RNLS: variants seen among roughly 807,000 people sequenced by gnomAD.
The protein encoded by RNLS is renalase, FAD dependent amine oxidase, also known as renalase.
A neutral mutation model predicts 39.8 loss-of-function variants in RNLS; 39 were observed. That is an observed-to-expected ratio of 0.98 (90% CI 0.76 to 1.28). RNLS has a LOEUF of 1.28. Ranked by LOEUF, RNLS falls within the 50% of genes most tolerant of loss-of-function variation. RNLS has a pLI of 0.00. For synonymous variants in RNLS, 147 were observed against 150.7 expected (o/e 0.98, Z 0.18); for missense variants, 410 against 413.3 (o/e 0.99, Z 0.07).
chr10:88,493,060 G>C (rs1037310141), intron 4 of RNLS, among the ~76,000 whole-genome samples: 1 of 151,784 alleles, frequency 6.6e-6, no homozygotes, highest in Non-Finnish European at 1.5e-5. Context: ...AATCTTTTTC[G>C]GTTATTTGAG....
chr10:88,300,145 A>C (rs1465350947), intron 6 of RNLS, among the ~76,000 whole-genome samples: 1 of 152,198 alleles, frequency 6.6e-6, no homozygotes, highest in Non-Finnish European at 1.5e-5. Flanking sequence ...AACACACATA[A>C]GATATCTGAG....
At chr10:88,253,775 C>A in the RNLS span, among the ~76,000 whole-genome samples, 1 of 152,324 alleles carries the variant, frequency 6.6e-6, no homozygotes, top group East Asian at 1.9e-4. Context: ...CCCCAGAGCC[C>A]TTGGCATTTT....
intron 4 of RNLS, among the ~76,000 whole-genome samples, chr10:88,408,753 T>C (rs543022273): frequency 6.6e-6 from 1 of 152,138 alleles, no homozygotes; most frequent in Non-Finnish European, 1.5e-5. Flanking sequence ...TATTTCTCTA[T>C]GAAAAGTTTG....
the RNLS span, among the ~76,000 whole-genome samples, chr10:88,247,369 G>A: frequency 6.6e-6 from 1 of 152,182 alleles, no homozygotes; most frequent in African/African-American, 2.4e-5. Flanking sequence ...GGAAGTGAGG[G>A]TTGAGCAGAG....
At chr10:88,176,173 C>CTTT in the RNLS span, among the ~76,000 whole-genome samples, 4 of 146,952 alleles carry the variant, frequency 2.7e-5, no homozygotes, top group African/African-American at 2.5e-5. Context: ...CTTAGCCTAT[C>CTTT]TTTTTTTTTT....
intron 6 of RNLS, among the ~76,000 whole-genome samples, chr10:88,300,671 T>C (rs1844447811): frequency 2.0e-5 from 3 of 152,202 alleles, no homozygotes; most frequent in Admixed American, 1.3e-4. Context: ...CCCTTGCTGA[T>C]TGATTATATG....
At chr10:88,482,355 C>T (rs961608807) in intron 4 of RNLS, among the ~76,000 whole-genome samples, 2 of 152,094 alleles carry the variant, frequency 1.3e-5, no homozygotes, top group African/African-American at 4.8e-5. Flanking sequence ...TCTCTGTGTT[C>T]TCCAGGTTGA....
intron 4 of RNLS, 43 bp downstream of exon 4, chr10:88,572,860 A>T: frequency 6.3e-7 from 1 of 1,597,268 alleles, no homozygotes; most frequent in East Asian, 2.2e-5. Flanking sequence ...TGTCAAAAGA[A>T]ATCCCATTCC....
intron 4 of RNLS, among the ~76,000 whole-genome samples, chr10:88,440,059 A>AT (rs1295990122): frequency 1.3e-5 from 2 of 152,154 alleles, no homozygotes; most frequent in Non-Finnish European, 2.9e-5. Flanking sequence ...GGCAAGGGCT[A>AT]TATCTTCATC....
chr10:88,457,024 C>T (rs1489950899), intron 4 of RNLS, among the ~76,000 whole-genome samples: 3 of 152,182 alleles, frequency 2.0e-5, no homozygotes, highest in Admixed American at 6.5e-5. Flanking sequence ...GGCAGCCTCC[C>T]TCCTCCACCC....
intron 4 of RNLS, among the ~76,000 whole-genome samples, chr10:88,476,702 C>T (rs549940034): frequency 1.2e-4 from 19 of 152,234 alleles, no homozygotes; most frequent in African/African-American, 3.8e-4. Context: ...CAACAGGAAG[C>T]CCCTTTCCCA....
chr10:88,475,528 T>A (rs1433878887), intron 4 of RNLS, among the ~76,000 whole-genome samples: 1 of 152,176 alleles, frequency 6.6e-6, no homozygotes, highest in Non-Finnish European at 1.5e-5. Flanking sequence ...CTAACTTCTA[T>A]TAGCAGCATT....
At chr10:88,494,464 A>G (rs967432044) in intron 4 of RNLS, among the ~76,000 whole-genome samples, 4 of 152,142 alleles carry the variant, frequency 2.6e-5, no homozygotes, top group African/African-American at 9.7e-5. Context: ...TAATGGAACC[A>G]TATTTATTAT....
At chr10:88,335,171 G>A (rs756464551) in intron 5 of RNLS, among the ~76,000 whole-genome samples, 1 of 150,784 alleles carries the variant, frequency 6.6e-6, no homozygotes, top group Non-Finnish European at 1.5e-5. Context: ...AGAATACATT[G>A]TATACTGGTA....
At chr10:88,392,627 C>T (rs1343929543) in intron 4 of RNLS, among the ~76,000 whole-genome samples, 1 of 152,182 alleles carries the variant, frequency 6.6e-6, no homozygotes, top group African/African-American at 2.4e-5. Flanking sequence ...AAATAATTAG[C>T]TCAAACAAAA....
At chr10:88,232,618 C>A in the RNLS span, among the ~76,000 whole-genome samples, 1 of 152,202 alleles carries the variant, frequency 6.6e-6, no homozygotes, top group South Asian at 2.1e-4. Flanking sequence ...TGACTCCTAA[C>A]ACATTTTTGT....
the RNLS span, among the ~76,000 whole-genome samples, chr10:88,203,458 A>G: frequency 2.9e-3 from 3 of 1,038 alleles, 1 homozygote; most frequent in African/African-American, 0.023. Flanking sequence ...GTGTGTGTGT[A>G]TATATATATA....
At chr10:88,176,173 C>CTTTTTTTTTTTTTTTTT in the RNLS span, among the ~76,000 whole-genome samples, 1 of 146,954 alleles carries the variant, frequency 6.8e-6, no homozygotes. Flanking sequence ...CTTAGCCTAT[C>CTTTTTTTTTTTTTTTTT]TTTTTTTTTT....
At chr10:88,310,038 C>T (rs1328921430) in intron 6 of RNLS, among the ~76,000 whole-genome samples, 1 of 151,932 alleles carries the variant, frequency 6.6e-6, no homozygotes, top group Non-Finnish European at 1.5e-5. Flanking sequence ...CATGATGAAA[C>T]CTCACCTCTA....
Sources: allele counts gnomAD v4.1 joint callset (sites outside exome capture counted in the v4.1 genomes callset), GRCh38; gene constraint gnomAD v4.1.1; transcripts MANE v1.5; gene names NCBI Gene and HGNC (gene_info 2026-07-23, HGNC 2026-07-21).